KIF17: variants seen among roughly 807,000 people sequenced by gnomAD.
The protein encoded by KIF17 is kinesin family member 17, also known as kinesin-like protein KIF17.
In KIF17, 80 loss-of-function variants were observed where a neutral mutation model predicts 96.8. That is an observed-to-expected ratio of 0.83 (90% CI 0.69 to 1.00). KIF17 has a LOEUF of 1.00. KIF17 is among the 50% of genes least tolerant of loss of function. The probability of loss-of-function intolerance (pLI) is 0.00; values close to 1 mark genes in which losing one functional copy is unlikely to be tolerated. For synonymous variants in KIF17, 567 were observed against 587.5 expected (o/e 0.97, Z 0.51); for missense variants, 1,280 against 1,372.9 (o/e 0.93, Z 1.07).
chr1:20,664,999 G>A (rs910482461), intron 14 of KIF17, among the ~76,000 whole-genome samples: 1 of 152,068 alleles, frequency 6.6e-6, no homozygotes, highest in South Asian at 2.1e-4. Flanking sequence ...GGGTTTTAAA[G>A]CATCAGACTG....
rs2054409923 is a variant in KIF17 at position 20,709,979 on chromosome 1, G to C, written c.481-151C>G. 2.6e-6 allele frequency: 2 copies of C among 763,394 alleles called. No homozygotes were observed. The allele number at this position is 763,394 out of a possible 1,614,324, so 47.3% of individuals were successfully genotyped here. A position where few individuals can be genotyped will look rare whatever the true frequency, so the allele number is the denominator to read the frequency against. On this transcript the variant is annotated intron_variant, in intron 3 of 14. Coordinates refer to ENST00000400463, the MANE Select transcript of KIF17 (RefSeq NM_001122819.3). The surrounding 1 kb of genome is among the most constrained non-coding windows in gnomAD (Gnocchi z 4.7). ...CACCTCACATGCCTGTCACAGGGAG[G>C]GGTGTGTTCCAGGCCCAGCCAGCCT... is the stretch of plus-strand genomic sequence containing the variant.
At chr1:20,668,574 C>A (rs59601027) in intron 13 of KIF17, among the ~76,000 whole-genome samples, 9,315 of 152,218 alleles carry the variant, frequency 0.061, 582 homozygotes, top group East Asian at 0.25. Flanking sequence ...CCATGAGTGG[C>A]CCCTTGCAGC....
At chr1:20,691,962 C>T (rs1309437374) in intron 6 of KIF17, among the ~76,000 whole-genome samples, 2 of 152,224 alleles carry the variant, frequency 1.3e-5, no homozygotes, top group Non-Finnish European at 2.9e-5. Flanking sequence ...TGCCAGCTCT[C>T]GTCCAAACAG....
At chr1:20,680,534 G>A (rs1409368202) in intron 11 of KIF17, among the ~76,000 whole-genome samples, 1 of 152,070 alleles carries the variant, frequency 6.6e-6, no homozygotes, top group Non-Finnish European at 1.5e-5. Context: ...CTATGATCGT[G>A]CCACTGCACT....
chr1:20,711,304 T>G (rs1444856671), intron 3 of KIF17, among the ~76,000 whole-genome samples: 2 of 152,122 alleles, frequency 1.3e-5, no homozygotes, highest in Non-Finnish European at 2.9e-5. Context: ...CACGATATTT[T>G]CCAGCCTAGG....
At chr1:20,676,384 T>C (rs2053737162) in intron 11 of KIF17, among the ~76,000 whole-genome samples, 1 of 152,124 alleles carries the variant, frequency 6.6e-6, no homozygotes, top group African/African-American at 2.4e-5. Flanking sequence ...ATATTCCTAA[T>C]GTATAAAGAG....
intron 9 of KIF17, 23 bp downstream of exon 9, chr1:20,686,023 T>G: frequency 1.9e-6 from 3 of 1,538,946 alleles, no homozygotes; most frequent in Non-Finnish European, 2.6e-6. Flanking sequence ...GTCCCCCACA[T>G]GGAGGCCCGG....
chr1:20,669,012 G>T (rs1223463712), intron 13 of KIF17, among the ~76,000 whole-genome samples: 1 of 152,036 alleles, frequency 6.6e-6, no homozygotes, highest in African/African-American at 2.4e-5. Context: ...ACCAAGAGGG[G>T]GTCCAGCTGC....
chr1:20,682,641 T>C lies in KIF17; in HGVS notation c.2463+12A>G, dbSNP rs112091782. Reference sequence around the variant, plus strand: ...GGGCAGCTGGGCATGGGGGGCTGCATCTGGGCCTCACCTTCCTCTGCATCT... The same window carrying C: ...GGGCAGCTGGGCATGGGGGGCTGCACCTGGGCCTCACCTTCCTCTGCATCT... On this transcript the variant is annotated intron_variant, in intron 11 of 14. Coordinates refer to ENST00000400463, the MANE Select transcript of KIF17 (RefSeq NM_001122819.3). The C allele has an allele frequency of 2.5e-6, 4 of 1,612,986 alleles. No individual in the cohort carries two copies. Among genetic ancestry groups the C allele is most frequent in the African/African-American group, 2.7e-5 (2 of 74,998 alleles).
At position 20,688,040 on chromosome 1, in the gene KIF17, G is replaced by GT. The variant is rs1570453133; in HGVS notation, c.1382-97dup. On this transcript the variant is annotated intron_variant, in intron 7 of 14. Coordinates refer to ENST00000400463, the MANE Select transcript of KIF17 (RefSeq NM_001122819.3). ...CCAAGCCCAGTGTGTTGTTTTTTTT[G>GT]TTTGTTTTTTTTTTGTTTTTTTTTG... The GT allele has an allele frequency of 4.6e-6, 5 of 1,076,538 alleles. No homozygotes were observed. The East Asian group carries it at 7.5e-5, about 16-fold the overall frequency. The allele number at this position is 1,076,538 out of a possible 1,614,324, so 66.7% of individuals were successfully genotyped here. A position where few individuals can be genotyped will look rare whatever the true frequency, so the allele number is the denominator to read the frequency against.
intron 13 of KIF17, 25 bp downstream of exon 13, chr1:20,670,396 C>T: frequency 1.9e-6 from 3 of 1,610,780 alleles, no homozygotes; most frequent in Admixed American, 1.7e-5. Context: ...CCCCGACACC[C>T]CACTCCCTCT....
chr1:20,714,322 G>A (rs566583911), intron 2 of KIF17, among the ~76,000 whole-genome samples: 8 of 149,378 alleles, frequency 5.4e-5, no homozygotes, highest in East Asian at 3.9e-4. Context: ...GCGAGACTCC[G>A]TCTCAAAAAA....
intron 14 of KIF17, among the ~76,000 whole-genome samples, chr1:20,665,163 CCG>C (rs1491062929): frequency 0.025 from 2,609 of 103,872 alleles, 193 homozygotes; most frequent in African/African-American, 0.091. Context: ...CCTATTCCCC[CCG>C]CCCCACCCAT....
At position 20,717,484 on chromosome 1, in the gene KIF17, G is replaced by C; in HGVS notation, c.223C>G (p.Leu75Val). 6.2e-7 allele frequency: 1 copy of C among 1,611,238 alleles called. No homozygotes were observed. The highest frequency in any genetic ancestry group is 1.1e-5 in the South Asian group (1 of 91,078). Residue 75 changes from leucine (L) to valine (V), a missense_variant, in exon 1 of 15, where the codon CTG becomes GTG. Physicochemically the swap from Leu to Val is conservative, Grantham distance 32. Coordinates refer to ENST00000400463, the MANE Select transcript of KIF17 (RefSeq NM_001122819.3). The part of the protein sequence containing the change: ...EQIYNEIAYP[L>V]VEGVTEGYNG... Reference sequence around the variant, plus strand: ...CTGCCGGGCGCCCTCACCTCCACCAGCGGATAGGCGATCTCGTTGTAGATC... The same window carrying C: ...CTGCCGGGCGCCCTCACCTCCACCACCGGATAGGCGATCTCGTTGTAGATC...
chr1:20,686,077 G>T lies in KIF17; in HGVS notation c.1988C>A (p.Ala663Asp). 6.4e-7 allele frequency: 1 copy of T among 1,563,340 alleles called. No individual in the cohort carries two copies. The highest frequency in any genetic ancestry group is 8.7e-7 in the Non-Finnish European group (1 of 1,153,450). The stretch of plus-strand genomic sequence containing the variant: ...GGGCGGGAAGTCATCAGCCGCCTCG[G>T]CTTCGGGCCTGGCATCACTGGGCTC... ...LLEPSDARPE[A>D]EAADDFPPRP... is the part of the protein sequence containing the mutation. The change falls in exon 9 of 15, where the codon GCC becomes GAC. Residue 663 changes from alanine to aspartate, a missense_variant. Ala to Asp is a moderately radical substitution (Grantham distance 126). Transcript: ENST00000400463.
intron 1 of KIF17, among the ~76,000 whole-genome samples, chr1:20,715,882 C>T (rs1464076502): frequency 2.0e-5 from 3 of 152,246 alleles, no homozygotes; most frequent in African/African-American, 7.2e-5. Context: ...CCTGGGCTCA[C>T]ATCCATCTCC....
In KIF17 at chr1:20,672,055, G is replaced by A. The variant is rs141369367; in HGVS notation, c.2605C>T (p.Arg869Cys). 4.9e-4 allele frequency: 795 copies of A among 1,614,120 alleles called. 6 individuals carry two copies. The highest frequency in any genetic ancestry group is 2.0e-3 in the African/African-American group (147 of 75,028). Residue 869 changes from arginine to cysteine, a missense_variant, in exon 12 of 15, where the codon CGC (arginine) becomes TGC (cysteine). Arg to Cys is a radical substitution (Grantham distance 180, BLOSUM62 -3). Coordinates refer to ENST00000400463, the MANE Select transcript of KIF17 (RefSeq NM_001122819.3). The surrounding 1 kb of genome is among the most constrained non-coding windows in gnomAD (Gnocchi z 4.3). ...QLLEQVQPLI[R>C]RDCNYSNLEK... ...AGGTTGCTGTAGTTACAGTCCCTGC[G>A]AATCAGGGGCTGCACCTGCTCCAGG... is the stretch of plus-strand genomic sequence containing the variant.
Position 20,687,329 on chromosome 1 carries a change from G to A in KIF17, c.1938+59C>T. The A allele has an allele frequency of 6.4e-7, 1 of 1,573,538 alleles. No homozygotes were observed. The highest frequency in any genetic ancestry group is 1.7e-5 in the Admixed American group (1 of 59,978). Reference sequence around the variant, plus strand: ...ACAGTGTGTGCACAGTGAGCTCCGGGCCCTGGGCAAGCTCTGCCTGCTCAG... The same window carrying A: ...ACAGTGTGTGCACAGTGAGCTCCGGACCCTGGGCAAGCTCTGCCTGCTCAG... On this transcript the variant is annotated intron_variant, in intron 8 of 14. Coordinates refer to ENST00000400463, the MANE Select transcript of KIF17 (RefSeq NM_001122819.3). The surrounding 1 kb of genome is among the most constrained non-coding windows in gnomAD (Gnocchi z 4.4).
intron 5 of KIF17, among the ~76,000 whole-genome samples, chr1:20,703,178 A>ATGGATGG (rs1557600805): frequency 3.8e-4 from 51 of 135,892 alleles, no homozygotes; most frequent in South Asian, 1.6e-3. Context: ...TGGATGGATG[A>ATGGATGG]ATGGATGGAC....
Sources: allele counts gnomAD v4.1 joint callset (sites outside exome capture counted in the v4.1 genomes callset), GRCh38; gene constraint gnomAD v4.1.1; non-coding constraint Gnocchi (gnomAD v3.1); transcripts MANE v1.5; gene names NCBI Gene and HGNC (gene_info 2026-07-23, HGNC 2026-07-21).